The following PAPPA2 variants were observed in gnomAD, a reference collection of about 807,000 sequenced individuals.
PAPPA2 encodes the protein pappalysin 2.
PAPPA2 carries 86 observed loss-of-function variants against 176.4 expected under a neutral mutation model. The ratio of observed to expected loss-of-function variants is 0.49; its 90% confidence interval spans 0.41 to 0.58. PAPPA2 has a LOEUF of 0.58. PAPPA2 is among the 20% of genes least tolerant of loss of function. The pLI, the probability that PAPPA2 is intolerant of heterozygous loss-of-function variation, is 0.00. For synonymous variants in PAPPA2, 809 were observed against 852.2 expected, an observed-to-expected ratio of 0.95 and a Z score of 0.88; for missense variants, 2,073 against 2,256.9, an observed-to-expected ratio of 0.92 and a Z score of 1.65.
chr1:176,591,327 C>A (rs1007057411), intron 2 of PAPPA2, among the ~76,000 whole-genome samples: 19 of 152,276 alleles, frequency 1.2e-4, no homozygotes, highest in African/African-American at 4.3e-4. Flanking sequence ...GCCCTAATCT[C>A]ATGGGCAGAT....
intron 17 of PAPPA2, among the ~76,000 whole-genome samples, chr1:176,776,039 C>A (rs1202721038): frequency 6.6e-6 from 1 of 152,030 alleles, no homozygotes. Context: ...CTTTTAAGAC[C>A]CTTTCTTTTT....
At chr1:176,670,915 T>C (rs1658955163) in intron 3 of PAPPA2, 55 bp from the exon 4 acceptor site, 2 of 1,605,838 alleles carry the variant, frequency 1.2e-6, no homozygotes, top group Admixed American at 3.3e-5. Context: ...GGCTCTGCTA[T>C]TCTCTAAGTA....
At chr1:176,628,555 G>A (rs1327953409) in intron 3 of PAPPA2, among the ~76,000 whole-genome samples, 2 of 152,116 alleles carry the variant, frequency 1.3e-5, no homozygotes, top group Non-Finnish European at 1.5e-5. Context: ...TTTTGTGAGT[G>A]TTTGTATGTT....
intron 7 of PAPPA2, among the ~76,000 whole-genome samples, chr1:176,698,095 C>G (rs958214546): frequency 6.6e-6 from 1 of 152,092 alleles, no homozygotes; most frequent in Non-Finnish European, 1.5e-5. Context: ...TCACACATAC[C>G]TGCACTGAAA....
intron 1 of PAPPA2, among the ~76,000 whole-genome samples, chr1:176,538,564 G>C: frequency 6.6e-6 from 1 of 152,158 alleles, no homozygotes; most frequent in Non-Finnish European, 1.5e-5. Context: ...TCTCATGATT[G>C]CTTTTAGAGA....
At chr1:176,627,879 C>T (rs537091837) in intron 3 of PAPPA2, among the ~76,000 whole-genome samples, 1 of 152,250 alleles carries the variant, frequency 6.6e-6, no homozygotes, top group South Asian at 2.1e-4. Context: ...CTTCTCAGTT[C>T]CACTTCCCTT....
intron 12 of PAPPA2, among the ~76,000 whole-genome samples, chr1:176,716,756 C>T (rs1247453675): frequency 3.3e-5 from 5 of 151,504 alleles, no homozygotes; most frequent in Non-Finnish European, 5.9e-5. Context: ...GGACTACAGG[C>T]ACCCGCCACC....
At chr1:176,538,378 T>A (rs1650186887) in intron 1 of PAPPA2, among the ~76,000 whole-genome samples, 1 of 152,164 alleles carries the variant, frequency 6.6e-6, no homozygotes, top group South Asian at 2.1e-4. Context: ...TGTATAGAAG[T>A]GGAAATGAAG....
chr1:176,513,191 C>CATA (rs1648720047), intron 1 of PAPPA2, among the ~76,000 whole-genome samples: 1 of 152,072 alleles, frequency 6.6e-6, no homozygotes, highest in Admixed American at 6.6e-5. Flanking sequence ...TCATCATCAT[C>CATA]ATCACCATCT....
intron 3 of PAPPA2, among the ~76,000 whole-genome samples, chr1:176,606,745 G>A (rs1019191512): frequency 2.0e-5 from 3 of 152,220 alleles, no homozygotes; most frequent in Non-Finnish European, 2.9e-5. Context: ...TTACAGTCAT[G>A]AGCCACCATG....
intron 3 of PAPPA2, among the ~76,000 whole-genome samples, chr1:176,647,604 A>G (rs1208105811): frequency 6.6e-6 from 1 of 151,702 alleles, no homozygotes; most frequent in Non-Finnish European, 1.5e-5. Flanking sequence ...GGTAAGAGAT[A>G]GGGGTCTGGT....
chr1:176,597,255 T>C (rs181445067), intron 3 of PAPPA2, among the ~76,000 whole-genome samples: 8 of 152,366 alleles, frequency 5.3e-5, no homozygotes, highest in South Asian at 2.1e-4. Context: ...CTAGGGATGA[T>C]TGCAGTAATA....
intron 17 of PAPPA2, among the ~76,000 whole-genome samples, chr1:176,788,806 A>C (rs932530646): frequency 2.0e-5 from 3 of 152,198 alleles, no homozygotes; most frequent in African/African-American, 7.2e-5. Context: ...AGGAAAAATA[A>C]ACTTGTAAAC....
Position 176,526,640 on chromosome 1 carries a change from A to G in PAPPA2, c.-916-28767A>G, listed in dbSNP as rs1649515253. On this transcript the variant is annotated intron_variant, in intron 1 of 22. Coordinates refer to ENST00000367662, the MANE Select transcript of PAPPA2 (RefSeq NM_020318.3). Reference sequence around the variant, plus strand: ...AGGTTTCGGGGTGATTTGCTACAGCAGAGAGCTTCCCCTGACTAATAAAGC... The same window carrying G: ...AGGTTTCGGGGTGATTTGCTACAGCGGAGAGCTTCCCCTGACTAATAAAGC... Among the ~76,000 whole-genome samples the G allele has an allele frequency of 2.0e-5, 3 of 152,218 alleles. No individual in the cohort carries two copies. In the South Asian group the frequency reaches 6.2e-4, roughly 31 times the overall value.
At chr1:176,781,837 A>T (rs962865452) in intron 17 of PAPPA2, among the ~76,000 whole-genome samples, 3 of 152,170 alleles carry the variant, frequency 2.0e-5, no homozygotes, top group African/African-American at 7.2e-5. Context: ...TGCTCTAGGT[A>T]CCACACTGTG....
intron 3 of PAPPA2, among the ~76,000 whole-genome samples, chr1:176,621,818 A>G (rs1359811319): frequency 6.6e-6 from 1 of 152,202 alleles, no homozygotes; most frequent in Non-Finnish European, 1.5e-5. Flanking sequence ...CTCTTTCTTT[A>G]AAAAGTAATA....
At chr1:176,688,771 A>C (rs1659964738) in intron 4 of PAPPA2, among the ~76,000 whole-genome samples, 1 of 152,176 alleles carries the variant, frequency 6.6e-6, no homozygotes, top group Non-Finnish European at 1.5e-5. Flanking sequence ...AGTAGTCACA[A>C]GAAAGTCAAC....
At position 176,790,943 on chromosome 1, in the gene PAPPA2, C is replaced by T. The variant is rs116332071; in HGVS notation, c.4885-404C>T. On this transcript the variant is annotated intron_variant, in intron 18 of 22. Transcript: ENST00000367662. ...TGAATTGGTTTCACTGGATGAAACT[C>T]GTCTTGAAAAAATCTGACATTTGCC... 2.9e-3 allele frequency among the ~76,000 whole-genome samples: 434 copies of T among 152,184 alleles called. 5 individuals are homozygous for T. The highest frequency in any genetic ancestry group is 9.1e-3 in the African/African-American group (378 of 41,518).
intron 21 of PAPPA2, among the ~76,000 whole-genome samples, chr1:176,816,353 G>T (rs1666400059): frequency 7.5e-6 from 1 of 133,174 alleles, no homozygotes; most frequent in East Asian, 2.2e-4. Flanking sequence ...AATAGATGAG[G>T]TTTTAGCTCT....
Sources: gnomAD v4.1 joint callset for allele counts (sites outside exome capture counted in the v4.1 genomes callset) on GRCh38, gnomAD v4.1.1 for gene constraint, MANE v1.5 for transcripts, NCBI Gene and HGNC (gene_info 2026-07-23, HGNC 2026-07-21) for gene names.